Variants in SRPRA observed in about 807,000 individuals in gnomAD.
SRPRA encodes the protein signal recognition particle receptor subunit alpha.
In SRPRA, 30 loss-of-function variants were observed where a neutral mutation model predicts 61.1. That is an observed-to-expected ratio of 0.49 (90% CI 0.37 to 0.67). The LOEUF is 0.67. Among genes scored for constraint, SRPRA ranks in the 30% least tolerant of loss-of-function variants. SRPRA has a pLI of 0.00. For missense variants in SRPRA, 759 were observed against 828.4 expected (o/e 0.92, Z 1.03); for synonymous variants, 324 against 299.7 (o/e 1.08, Z -0.84).
the SRPRA span, chr11:126,241,197 C>A: frequency 1.3e-6 from 1 of 767,346 alleles, no homozygotes; most frequent in Non-Finnish European, 2.0e-6. Flanking sequence ...CTCTTCTGCG[C>A]AATGTCTGTT....
chr11:126,264,713 T>G lies in SRPRA; in HGVS notation c.1526-174A>C, dbSNP rs939574230. ...TATGCTTGGCCATCACCAAACATATTCAGGAAAAGGAGGACAACAGGATGA... is the reference window on the plus strand; with the variant it reads ...TATGCTTGGCCATCACCAAACATATGCAGGAAAAGGAGGACAACAGGATGA... On this transcript the variant is annotated intron_variant, in intron 11 of 13. Transcript: ENST00000332118. This position sits in a 1 kb window ranked among gnomAD's most constrained non-coding sequence, Gnocchi z 5.0. 2 of 846,958 alleles carry G rather than the reference T, an allele frequency of 2.4e-6. No individual in the cohort carries two copies. The highest frequency in any genetic ancestry group is 7.2e-4 in the Middle Eastern group (2 of 2,780). The allele number at this position is 846,958 out of a possible 1,614,324, so 52.5% of individuals were successfully genotyped here.
chr11:126,250,394 AT>A, the SRPRA span: 1 of 722,510 alleles, frequency 1.4e-6, no homozygotes, highest in East Asian at 2.7e-5. This position sits in a 1 kb window ranked among gnomAD's most constrained non-coding sequence, Gnocchi z 5.1. Context: ...CCTGGCCTTT[AT>A]CTCTGTTTTG....
chr11:126,264,848 A>T lies in SRPRA; in HGVS notation c.1525+111T>A. 9.4e-7 allele frequency: 1 copy of T among 1,067,414 alleles called. No homozygotes were observed. Among genetic ancestry groups the T allele is most frequent in the Non-Finnish European group, 1.3e-6 (1 of 756,340 alleles). 66.1% of individuals were successfully genotyped at this position (1,067,414 alleles called of 1,614,324 possible). ...AGTAACTGATCTGACTTTTTACTGT[A>T]ATTGACCAACGAGTCTGTAGTAGCA... On this transcript the variant is annotated intron_variant, in intron 11 of 13. Transcript: ENST00000332118. The surrounding 1 kb of genome is among the most constrained non-coding windows in gnomAD (Gnocchi z 5.0).
Position 126,263,676 on chromosome 11 carries a change from T to G in SRPRA, c.*240A>C. 1 of 516,340 alleles carries G rather than the reference T, an allele frequency of 1.9e-6. No homozygotes were observed. The highest frequency in any genetic ancestry group is 3.4e-6 in the Non-Finnish European group (1 of 290,190). The allele number at this position is 516,340 out of a possible 1,614,324, so 32.0% of individuals were successfully genotyped here. A position where few individuals can be genotyped will look rare whatever the true frequency, so the allele number is the denominator to read the frequency against. The stretch of plus-strand genomic sequence containing the variant: ...AGGCAGAGTGAAGGGGGTGCCTGAG[T>G]AGGAAGGGGGAGGCCCGCTGGGAGA... On this transcript the variant is annotated 3_prime_UTR_variant, in exon 14 of 14. Transcript: ENST00000332118.
Position 126,265,981 on chromosome 11 carries a change from T to A in SRPRA, c.1033A>T (p.Met345Leu), listed in dbSNP as rs757614623. Reference protein sequence around the residue: ...REDMESVLDKMRDHLIAKNVA... With the variant: ...REDMESVLDKLRDHLIAKNVA... ...AACTTACCAATGAGATGATCACGCA[T>A]CTTGTCCAGCACAGATTCCATGTCT... is the stretch of plus-strand genomic sequence containing the variant. Residue 345 changes from methionine to leucine, a missense_variant, in exon 8 of 14, where the codon ATG becomes TTG. By Grantham distance (15) the Met-to-Leu change is conservative (BLOSUM62 2). This residue lies in a region of SRPRA where 475 missense variants were observed against 462.5 expected (regional missense o/e 1.03). Coordinates refer to ENST00000332118, the MANE Select transcript of SRPRA (RefSeq NM_003139.4). The surrounding 1 kb of genome is among the most constrained non-coding windows in gnomAD (Gnocchi z 6.3). 3.7e-6 allele frequency: 6 copies of A among 1,614,180 alleles called. No homozygotes were observed. Among genetic ancestry groups the A allele is most frequent in the Non-Finnish European group, 5.1e-6 (6 of 1,180,038 alleles).
chr11:126,256,518 C>T, the SRPRA span: 1 of 1,572,056 alleles, frequency 6.4e-7, no homozygotes, highest in Non-Finnish European at 8.7e-7. The surrounding 1 kb of genome is among the most constrained non-coding windows in gnomAD (Gnocchi z 6.6). Flanking sequence ...TTCAGACTTG[C>T]CTTGAGTGTG....
At chr11:126,258,948 C>T (rs1422363254), downstream of SRPRA, among the ~76,000 whole-genome samples, 1 of 152,188 alleles carries the variant, frequency 6.6e-6, no homozygotes, top group Non-Finnish European at 1.5e-5. Context: ...TGGAATGGCA[C>T]AAATTCTTTT....
At chr11:126,248,473 C>T in the SRPRA span, among the ~76,000 whole-genome samples, 4 of 137,806 alleles carry the variant, frequency 2.9e-5, no homozygotes, top group African/African-American at 5.4e-5. Context: ...CGGATTCAAG[C>T]GATTCTCCTG....
At chr11:126,237,215 C>CAT in the SRPRA span, among the ~76,000 whole-genome samples, 4 of 43,112 alleles carry the variant, frequency 9.3e-5, no homozygotes, top group African/African-American at 2.5e-4. Flanking sequence ...CGCGCCTGGC[C>CAT]TTTTTTTTTT....
chr11:126,250,873 C>G, the SRPRA span: 1 of 623,898 alleles, frequency 1.6e-6, no homozygotes, highest in Admixed American at 3.2e-5. This position sits in a 1 kb window ranked among gnomAD's most constrained non-coding sequence, Gnocchi z 5.1. Flanking sequence ...TTTTGTTTTT[C>G]TTTTTTCTTT....
At chr11:126,245,678 A>G in the SRPRA span, among the ~76,000 whole-genome samples, 1 of 151,074 alleles carries the variant, frequency 6.6e-6, no homozygotes, top group Non-Finnish European at 1.5e-5. Context: ...TGGGCAACAT[A>G]GTGAGACCCT....
Position 126,265,988 on chromosome 11 carries a change from C to A in SRPRA, c.1026G>T (p.Leu342=). ...SLSREDMESV[L]DKMRDHLIAK... is the part of the protein sequence containing the mutation. ...CAATGAGATGATCACGCATCTTGTC[C>A]AGCACAGATTCCATGTCTTCACGAC... The change falls in exon 8 of 14, where the codon CTG becomes CTT. Residue 342 remains leucine, a synonymous_variant. Transcript: ENST00000332118. The surrounding 1 kb of genome is among the most constrained non-coding windows in gnomAD (Gnocchi z 6.3). 6.2e-7 allele frequency: 1 copy of A among 1,614,186 alleles called. No homozygotes were observed. Among genetic ancestry groups the A allele is most frequent in the Non-Finnish European group, 8.5e-7 (1 of 1,180,028 alleles).
rs375068255 is a variant in SRPRA at position 126,264,288 on chromosome 11, A to G, written c.1691T>C (p.Val564Ala). 1.6e-5 allele frequency: 26 copies of G among 1,613,588 alleles called. No individual in the cohort carries two copies. Among genetic ancestry groups the G allele is most frequent in the Non-Finnish European group, 2.0e-5 (24 of 1,179,768 alleles). The change falls in exon 13 of 14, where the codon GTC becomes GCC. Residue 564 changes from valine to alanine, a missense_variant and splice_region_variant. By Grantham distance (64) the Val-to-Ala change is moderately conservative. Coordinates refer to ENST00000332118, the MANE Select transcript of SRPRA (RefSeq NM_003139.4). The surrounding 1 kb of genome is among the most constrained non-coding windows in gnomAD (Gnocchi z 5.0). ...LVGNEAVDQL[V>A]KFNRALADHS... Reference sequence around the variant, plus strand: ...GTCAGCCAAGGCTCTGTTGAACTTGACCTGGAAAGAAAAAGTGATAGAAGT... The same window carrying G: ...GTCAGCCAAGGCTCTGTTGAACTTGGCCTGGAAAGAAAAAGTGATAGAAGT...
At chr11:126,255,114 T>C in the SRPRA span, among the ~76,000 whole-genome samples, 1 of 152,228 alleles carries the variant, frequency 6.6e-6, no homozygotes, top group African/African-American at 2.4e-5. The surrounding 1 kb of genome is among the most constrained non-coding windows in gnomAD (Gnocchi z 4.6). Context: ...GAGAATACAT[T>C]CTAAAGAGAC....
the SRPRA span, chr11:126,254,330 G>GT: frequency 6.2e-7 from 1 of 1,614,098 alleles, no homozygotes; most frequent in Non-Finnish European, 8.5e-7. Flanking sequence ...CAGGAGAAGC[G>GT]TAAGCTGAGC....
the SRPRA span, among the ~76,000 whole-genome samples, chr11:126,236,557 A>T: frequency 3.9e-5 from 6 of 152,290 alleles, no homozygotes; most frequent in Admixed American, 2.6e-4. Flanking sequence ...TTTCACAGTG[A>T]TGTATCTTGT....
chr11:126,244,487 T>C, the SRPRA span, among the ~76,000 whole-genome samples: 2 of 151,954 alleles, frequency 1.3e-5, no homozygotes, highest in Non-Finnish European at 2.9e-5. The surrounding 1 kb of genome is among the most constrained non-coding windows in gnomAD (Gnocchi z 4.5). Context: ...AATAGTAAAA[T>C]AGCTAGGAAT....
the SRPRA span, among the ~76,000 whole-genome samples, chr11:126,255,630 A>G: frequency 6.6e-6 from 1 of 152,218 alleles, no homozygotes. The surrounding 1 kb of genome is among the most constrained non-coding windows in gnomAD (Gnocchi z 4.6). Flanking sequence ...GGAAGGATTA[A>G]GATATATGAA....
At chr11:126,237,856 CAAA>C in the SRPRA span, among the ~76,000 whole-genome samples, 1 of 60,024 alleles carries the variant, frequency 1.7e-5, no homozygotes. Flanking sequence ...ACTCCGTCTC[CAAA>C]AAAAAAAAAA....
Sources: gnomAD v4.1 joint callset for allele counts (sites outside exome capture counted in the v4.1 genomes callset) on GRCh38, gnomAD v4.1.1 for gene constraint, gnomAD v4.1.1 regional missense constraint, Gnocchi (gnomAD v3.1) non-coding constraint, MANE v1.5 for transcripts, NCBI Gene and HGNC (gene_info 2026-07-23, HGNC 2026-07-21) for gene names.